The following CD276 variants were observed in gnomAD, a reference collection of about 807,000 sequenced individuals.
CD276 encodes the protein CD276 molecule, also known as CD276 antigen.
Under a neutral mutation model 50.0 loss-of-function variants are expected in CD276, and 34 were observed. That is an observed-to-expected ratio of 0.68 (90% CI 0.52 to 0.91). CD276 has a LOEUF of 0.91. CD276 is among the 40% of genes least tolerant of loss of function. CD276 has a pLI of 0.00. For synonymous variants in CD276, 275 were observed against 313.0 expected (o/e 0.88, Z 1.28); for missense variants, 634 against 717.5 (o/e 0.88, Z 1.33).
Position 73,709,270 on chromosome 15 carries a change from G to A in CD276, c.1505-378G>A, listed in dbSNP as rs567553748. ...ATGGTCTTTGGCTGGGTGTGTGGCGGGGGCTCCAGGTTGAGTGGATGGTCT... is the reference window on the plus strand; with the variant it reads ...ATGGTCTTTGGCTGGGTGTGTGGCGAGGGCTCCAGGTTGAGTGGATGGTCT... On this transcript the variant is annotated intron_variant, in intron 7 of 9. Transcript: ENST00000318443. Among the ~76,000 whole-genome samples, 11 of 152,180 alleles carry A rather than the reference G, an allele frequency of 7.2e-5. No individual in the cohort carries two copies. In the East Asian group the frequency reaches 1.7e-3, roughly 24 times the overall value.
intron 1 of CD276, among the ~76,000 whole-genome samples, chr15:73,694,157 T>G (rs1900085288): frequency 6.6e-6 from 1 of 152,190 alleles, no homozygotes. Flanking sequence ...CTCCACGTGC[T>G]TCATCTCCAG....
At chr15:73,708,222 A>T in intron 6 of CD276, 117 bp from the exon 7 acceptor site, 1 of 1,092,864 alleles carries the variant, frequency 9.2e-7, no homozygotes, top group Non-Finnish European at 1.3e-6. Context: ...AGCTTTATTC[A>T]TAGTGTTAGG....
chr15:73,713,385 A>T lies in CD276; in HGVS notation c.*429A>T, dbSNP rs1900989758. The T allele has an allele frequency of 3.8e-6, 1 of 260,666 alleles. No individual in the cohort carries two copies. The highest frequency in any genetic ancestry group is 2.4e-5 in the African/African-American group (1 of 42,528). 16.1% of individuals were successfully genotyped at this position (260,666 alleles called of 1,614,324 possible). A position where few individuals can be genotyped will look rare whatever the true frequency, so the allele number is the denominator to read the frequency against. On this transcript the variant is annotated 3_prime_UTR_variant, in exon 10 of 10. Coordinates refer to ENST00000318443, the MANE Select transcript of CD276 (RefSeq NM_001024736.2). ...TTATTTCACCAAAGACACGATGCAT[A>T]GTCACCCCGGCCTTGTTTCTCCAAT... is the stretch of plus-strand genomic sequence containing the variant.
rs1420061337 is a variant in CD276, at chr15:73,687,118, C to T, written c.-55+2658C>T. 6.6e-6 allele frequency among the ~76,000 whole-genome samples: 1 copy of T among 152,112 alleles called. No individual in the cohort carries two copies. Among genetic ancestry groups the T allele is most frequent in the Non-Finnish European group, 1.5e-5 (1 of 68,026 alleles). ...TTGTTGGCTCAGAATGGACCCCACA[C>T]CTGGAAGGGGGCCACGTGTACAGTT... On this transcript the variant is annotated intron_variant, in intron 1 of 9. Coordinates refer to ENST00000318443, the MANE Select transcript of CD276 (RefSeq NM_001024736.2). This position sits in a 1 kb window ranked among gnomAD's most constrained non-coding sequence, Gnocchi z 4.0.
At chr15:73,705,173 C>T (rs1038552651) in intron 6 of CD276, among the ~76,000 whole-genome samples, 1 of 152,222 alleles carries the variant, frequency 6.6e-6, no homozygotes, top group Non-Finnish European at 1.5e-5. Flanking sequence ...CCTGGGCCGA[C>T]GTGCTCAGTC....
chr15:73,693,235 T>C (rs1303911311), intron 1 of CD276, among the ~76,000 whole-genome samples: 3 of 152,134 alleles, frequency 2.0e-5, no homozygotes, highest in East Asian at 3.9e-4. Context: ...TTTCAGATGA[T>C]ATTCATTCAT....
In CD276 at chr15:73,702,506, C is replaced by T. The variant is rs7173476; in HGVS notation, c.331C>T (p.Arg111Cys). ...GGGCAACGCATCCCTGAGGCTGCAG[C>T]GCGTGCGTGTGGCGGACGAGGGCAG... is the stretch of plus-strand genomic sequence containing the variant. The part of the protein sequence containing the change: ...AQGNASLRLQ[R>C]VRVADEGSFT... The change falls in exon 3 of 10, where the codon CGC becomes TGC. Residue 111 changes from arginine (R) to cysteine (C), a missense_variant. Arg to Cys is a radical substitution (Grantham distance 180). Transcript: ENST00000318443. The T allele has an allele frequency of 2.9e-5, 47 of 1,613,006 alleles. No individual in the cohort carries two copies. Among genetic ancestry groups the T allele is most frequent in the South Asian group, 6.6e-5 (6 of 91,082 alleles).
In CD276 at chr15:73,713,795, T is replaced by C; in HGVS notation, c.*839T>C. The C allele has an allele frequency of 2.3e-6, 1 of 439,720 alleles. No individual in the cohort carries two copies. Among genetic ancestry groups the C allele is most frequent in the East Asian group, 7.7e-5 (1 of 12,992 alleles). 27.2% of individuals were successfully genotyped at this position (439,720 alleles called of 1,614,324 possible). ...GCCCCTGGGGGTCAGCTTCTGTCCC[T>C]CTGCCTTCTCACCTCTTTGTTCCTT... On this transcript the variant is annotated 3_prime_UTR_variant, in exon 10 of 10. Coordinates refer to ENST00000318443, the MANE Select transcript of CD276 (RefSeq NM_001024736.2).
Position 73,713,063 on chromosome 15 carries a change from G to A in CD276, c.*107G>A. The A allele has an allele frequency of 9.9e-7, 1 of 1,008,648 alleles. No homozygotes were observed. The highest frequency in any genetic ancestry group is 2.5e-5 in the East Asian group (1 of 39,998). The allele number at this position is 1,008,648 out of a possible 1,614,324, so 62.5% of individuals were successfully genotyped here. A position where few individuals can be genotyped will look rare whatever the true frequency, so the allele number is the denominator to read the frequency against. On this transcript the variant is annotated 3_prime_UTR_variant, in exon 10 of 10. Coordinates refer to ENST00000318443, the MANE Select transcript of CD276 (RefSeq NM_001024736.2). ...CCAACAGATGCATCCTGCTCTGACA[G>A]GTGGGCTCCTTCTCCAAAGGATGCG...
rs1157206450 is a variant in CD276 at position 73,702,496 on chromosome 15, G to C, written c.321G>C (p.Leu107=). The part of the protein sequence containing the change: ...PDLLAQGNAS[L]RLQRVRVADE... ...TGCTGGCACAGGGCAACGCATCCCT[G>C]AGGCTGCAGCGCGTGCGTGTGGCGG... Residue 107 remains leucine (L), a synonymous_variant, in exon 3 of 10, where the codon CTG becomes CTC. Coordinates refer to ENST00000318443, the MANE Select transcript of CD276 (RefSeq NM_001024736.2). 1.2e-6 allele frequency: 2 copies of C among 1,613,384 alleles called. No individual in the cohort carries two copies. Among genetic ancestry groups the C allele is most frequent in the Non-Finnish European group, 1.7e-6 (2 of 1,179,998 alleles).
intron 2 of CD276, among the ~76,000 whole-genome samples, chr15:73,701,443 G>A (rs773339199): frequency 4.6e-5 from 7 of 152,184 alleles, no homozygotes; most frequent in Non-Finnish European, 1.0e-4. Context: ...GAAAAAGTTA[G>A]ATTCCTCACT....
chr15:73,696,546 G>A (rs1900185616), intron 1 of CD276, among the ~76,000 whole-genome samples: 1 of 152,162 alleles, frequency 6.6e-6, no homozygotes, highest in Admixed American at 6.5e-5. Context: ...CAGAGTCTAG[G>A]AAAGGAATGA....
At chr15:73,695,170 A>G (rs1212578751) in intron 1 of CD276, among the ~76,000 whole-genome samples, 1 of 152,232 alleles carries the variant, frequency 6.6e-6, no homozygotes, top group Non-Finnish European at 1.5e-5. Flanking sequence ...TTCCACTAGC[A>G]TCCACAAAGC....
In CD276 at chr15:73,704,809, G is replaced by A. The variant is rs1900583194; in HGVS notation, c.1369+337G>A. Among the ~76,000 whole-genome samples the A allele has an allele frequency of 6.6e-6, 1 of 152,178 alleles. No homozygotes were observed. Among genetic ancestry groups the A allele is most frequent in the Non-Finnish European group, 1.5e-5 (1 of 68,030 alleles). ...TTGGTGTGGGTGTGCTTTCCAGCAG[G>A]AACTCCTCTGAGTGGTAGGAAGGTA... On this transcript the variant is annotated intron_variant, in intron 6 of 9. Transcript: ENST00000318443. This position sits in a 1 kb window ranked among gnomAD's most constrained non-coding sequence, Gnocchi z 4.1.
chr15:73,714,259 TG>T lies in CD276; in HGVS notation c.*1307del, dbSNP rs1299395856. 5.5e-6 allele frequency: 1 copy of T among 181,362 alleles called. No individual in the cohort carries two copies. The highest frequency in any genetic ancestry group is 1.9e-4 in the East Asian group (1 of 5,282). 11.2% of individuals were successfully genotyped at this position (181,362 alleles called of 1,614,324 possible). On this transcript the variant is annotated 3_prime_UTR_variant, in exon 10 of 10. Transcript: ENST00000318443. ...GGGCAGGGCAGGGCCAGGAATGCTTTGGGGACACCGAGGGGACTGCCCCCCA... is the reference window on the plus strand; with the variant it reads ...GGGCAGGGCAGGGCCAGGAATGCTTTGGGACACCGAGGGGACTGCCCCCCA...
intron 8 of CD276, among the ~76,000 whole-genome samples, chr15:73,710,321 G>T (rs1900840845): frequency 6.6e-6 from 1 of 152,258 alleles, no homozygotes; most frequent in African/African-American, 2.4e-5. Context: ...TCTGTAAAAT[G>T]TCATCCTGAC....
rs1246158804 is a variant in CD276 at position 73,702,514 on chromosome 15, T to G, written c.339T>G (p.Arg113=). ...CATCCCTGAGGCTGCAGCGCGTGCG[T>G]GTGGCGGACGAGGGCAGCTTCACCT... is the stretch of plus-strand genomic sequence containing the variant. ...GNASLRLQRV[R]VADEGSFTCF... is the part of the protein sequence containing the mutation. Residue 113 remains arginine, a synonymous_variant, in exon 3 of 10, where the codon CGT becomes CGG. Transcript: ENST00000318443. The G allele has an allele frequency of 4.0e-5, 64 of 1,612,870 alleles. No homozygotes were observed. Among genetic ancestry groups the G allele is most frequent in the Non-Finnish European group, 5.3e-5 (62 of 1,179,920 alleles).
intron 1 of CD276, chr15:73,690,637 G>A (rs1025323668): frequency 8.6e-5 from 39 of 453,866 alleles, no homozygotes; most frequent in Admixed American, 1.9e-4. Flanking sequence ...CACTTTTCCT[G>A]TGATAACAGC....
rs774649242 is a variant in CD276, at chr15:73,703,054, C to T, written c.701C>T (p.Ser234Phe). Reference sequence around the variant, plus strand: ...GTGCTGCAGCAGGATGCGCACAGCTCTGTCACCATCACACCCCAGAGAAGC... The same window carrying T: ...GTGCTGCAGCAGGATGCGCACAGCTTTGTCACCATCACACCCCAGAGAAGC... ...NPVLQQDAHS[S>F]VTITPQRSPT... Residue 234 changes from serine to phenylalanine, a missense_variant, in exon 4 of 10, where the codon TCT becomes TTT. By Grantham distance (155) the Ser-to-Phe change is radical (BLOSUM62 -2). Coordinates refer to ENST00000318443, the MANE Select transcript of CD276 (RefSeq NM_001024736.2). 2 of 1,611,002 alleles carry T rather than the reference C, an allele frequency of 1.2e-6. No individual in the cohort carries two copies. Among genetic ancestry groups the T allele is most frequent in the African/African-American group, 2.7e-5 (2 of 74,896 alleles).
Sources: gnomAD v4.1 joint callset for allele counts (sites outside exome capture counted in the v4.1 genomes callset) on GRCh38, gnomAD v4.1.1 for gene constraint, Gnocchi (gnomAD v3.1) non-coding constraint, MANE v1.5 for transcripts, NCBI Gene and HGNC (gene_info 2026-07-23, HGNC 2026-07-21) for gene names.